Variants in UHMK1 observed in about 807,000 individuals in gnomAD.
The protein encoded by UHMK1 is serine/threonine-protein kinase Kist.
Under a neutral mutation model 44.0 loss-of-function variants are expected in UHMK1, and 18 were observed. The ratio of observed to expected loss-of-function variants is 0.41; its 90% CI spans 0.28 to 0.61. The LOEUF (loss-of-function observed/expected upper bound fraction) is 0.61. Among genes scored for constraint, UHMK1 ranks in the 20% least tolerant of loss-of-function variants. The pLI is 0.31. For missense variants in UHMK1, 463 were observed against 522.5 expected, an observed-to-expected ratio of 0.89 and a Z score of 1.11; for synonymous variants, 231 against 198.5, an observed-to-expected ratio of 1.16 and a Z score of -1.38.
chr1:162,500,121 C>T lies in UHMK1; in HGVS notation c.435C>T (p.Ala145=), dbSNP rs1468112752. 5 of 1,614,018 alleles carry T rather than the reference C, an allele frequency of 3.1e-6. No homozygotes were observed. The South Asian group carries it at 3.3e-5, about 11-fold the overall frequency. ...ATTGTGCCCGAGATGTTTTGGAGGC[C>T]CTTGCTTTTCTTCATCATGAGGGCT... is the stretch of plus-strand genomic sequence containing the variant. The part of the protein sequence containing the change: ...IQHCARDVLE[A]LAFLHHEGYV... The change falls in exon 2 of 8, where the codon GCC becomes GCT. Residue 145 remains alanine (A), a synonymous_variant. Transcript: ENST00000489294.
In UHMK1 at chr1:162,522,778, G is replaced by A. The variant is rs1652106494; in HGVS notation, c.*228G>A. ...TGAGGGGTTTTAGAGCATCCATGTG[G>A]GCAACCCTTTTTTGTGCGGGAGAGC... On this transcript the variant is annotated 3_prime_UTR_variant, in exon 8 of 8. Coordinates refer to ENST00000489294, the MANE Select transcript of UHMK1 (RefSeq NM_175866.5). 2.5e-6 allele frequency: 1 copy of A among 396,334 alleles called. No individual in the cohort carries two copies. Among genetic ancestry groups the A allele is most frequent in the African/African-American group, 2.0e-5 (1 of 49,190 alleles). The allele number at this position is 396,334 out of a possible 1,614,324, so 24.6% of individuals were successfully genotyped here.
chr1:162,509,592 AATATAGTGCAAAT>A, intron 4 of UHMK1, among the ~76,000 whole-genome samples: 1 of 152,300 alleles, frequency 6.6e-6, no homozygotes, highest in Non-Finnish European at 1.5e-5. Context: ...CATAGATGCC[AATATAGTGCAAAT>A]CTTACAACTA....
intron 3 of UHMK1, among the ~76,000 whole-genome samples, chr1:162,501,955 G>T (rs4657198): frequency 0.45 from 68,342 of 150,218 alleles, 15,579 homozygotes; most frequent in East Asian, 0.47. Flanking sequence ...ATTATAAAAG[G>T]TATTTTAATA....
intron 7 of UHMK1, among the ~76,000 whole-genome samples, chr1:162,519,212 G>T (rs1427451003): frequency 6.6e-6 from 1 of 151,894 alleles, no homozygotes; most frequent in Non-Finnish European, 1.5e-5. Context: ...CAGCTCTTCA[G>T]GGGGCTGAGC....
intron 7 of UHMK1, 133 bp downstream of exon 7, chr1:162,518,323 A>G: frequency 3.3e-6 from 2 of 607,774 alleles, no homozygotes; most frequent in East Asian, 5.6e-5. Flanking sequence ...AATGATTTTT[A>G]TATTCTGACT....
chr1:162,510,368 C>T (rs540239054), intron 4 of UHMK1, among the ~76,000 whole-genome samples: 1 of 152,286 alleles, frequency 6.6e-6, no homozygotes, highest in Non-Finnish European at 1.5e-5. Flanking sequence ...TCTCCCCAAA[C>T]TCCTCTCTCC....
intron 6 of UHMK1, among the ~76,000 whole-genome samples, chr1:162,515,906 C>T (rs1375645610): frequency 1.3e-5 from 2 of 151,896 alleles, no homozygotes; most frequent in East Asian, 3.9e-4. Flanking sequence ...TGGTGGCGGG[C>T]GCCTGTAGTC....
chr1:162,514,162 G>A (rs1252013259), intron 6 of UHMK1, among the ~76,000 whole-genome samples: 2 of 152,110 alleles, frequency 1.3e-5, no homozygotes, highest in East Asian at 3.9e-4. Flanking sequence ...GGTGGCACAT[G>A]CCTATAATCC....
chr1:162,500,283 A>G (rs1204581775), intron 2 of UHMK1, 36 bp downstream of exon 2: 1 of 1,587,174 alleles, frequency 6.3e-7, no homozygotes, highest in Non-Finnish European at 8.6e-7. Flanking sequence ...TCGCAGTTTA[A>G]AATGTAGTGG....
At chr1:162,511,214 A>T (rs1393613203) in intron 4 of UHMK1, among the ~76,000 whole-genome samples, 1 of 117,436 alleles carries the variant, frequency 8.5e-6, no homozygotes, top group African/African-American at 3.4e-5. Flanking sequence ...TTTTTGAGAC[A>T]GGGTCTCGTT....
chr1:162,500,546 T>A (rs1263108387), intron 2 of UHMK1: 3 of 419,206 alleles, frequency 7.2e-6, no homozygotes, highest in Non-Finnish European at 1.3e-5. Flanking sequence ...ATTGCTGAGT[T>A]ACTATTCCTG....
rs1004659767 is a variant in UHMK1, at chr1:162,527,020, C to T, written c.*4470C>T. 1.3e-5 allele frequency: 2 copies of T among 152,072 alleles called. No homozygotes were observed. Among genetic ancestry groups the T allele is most frequent in the Non-Finnish European group, 2.9e-5 (2 of 67,942 alleles). The allele number at this position is 152,072 out of a possible 1,614,324, so 9.4% of individuals were successfully genotyped here. ...TAGTTTTTCAAGTTAGTATTACTTACTAGCTTTCTTGATGAATATAAAAAT... is the reference window on the plus strand; with the variant it reads ...TAGTTTTTCAAGTTAGTATTACTTATTAGCTTTCTTGATGAATATAAAAAT... On this transcript the variant is annotated 3_prime_UTR_variant, in exon 8 of 8. Transcript: ENST00000489294.
chr1:162,497,691 A>T, upstream of UHMK1: 1 of 869,202 alleles, frequency 1.2e-6, no homozygotes, highest in Non-Finnish European at 1.5e-6. Context: ...CTCAATAATT[A>T]AGGTTACTTC....
intron 4 of UHMK1, 87 bp downstream of exon 4, chr1:162,503,935 A>G (rs1651374545): frequency 1.0e-6 from 1 of 977,022 alleles, no homozygotes; most frequent in African/African-American, 1.7e-5. Flanking sequence ...GATTTATATT[A>G]TTATTTCTAT....
chr1:162,500,280 T>A, intron 2 of UHMK1, 33 bp downstream of exon 2: 1 of 1,590,066 alleles, frequency 6.3e-7, no homozygotes, highest in African/African-American at 1.3e-5. Context: ...CTCTCGCAGT[T>A]TAAAATGTAG....
At chr1:162,505,782 G>C (rs1371032930) in intron 4 of UHMK1, among the ~76,000 whole-genome samples, 2 of 152,190 alleles carry the variant, frequency 1.3e-5, no homozygotes, top group South Asian at 4.1e-4. Flanking sequence ...CCTTGTCTGA[G>C]TTAGAGTAGT....
chr1:162,506,918 A>G (rs1485819019), intron 4 of UHMK1, among the ~76,000 whole-genome samples: 2 of 152,108 alleles, frequency 1.3e-5, no homozygotes, highest in Non-Finnish European at 2.9e-5. Flanking sequence ...GAGGATTTTA[A>G]CTTTTTCTTC....
Position 162,512,790 on chromosome 1 carries a change from G to A in UHMK1, c.991G>A (p.Asp331Asn). Residue 331 changes from aspartate (D) to asparagine (N), a missense_variant, in exon 6 of 8, where the codon GAT (aspartate) becomes AAT (asparagine). Asp to Asn is a conservative substitution (Grantham distance 23). Transcript: ENST00000489294. ...PVLRLLNVLD[D>N]DYLENEEEYE... Reference sequence around the variant, plus strand: ...GCTAAGACTGCTGAATGTGCTGGATGATGATTATCTTGAGAATGAAGAGGA... The same window carrying A: ...GCTAAGACTGCTGAATGTGCTGGATAATGATTATCTTGAGAATGAAGAGGA... 6.2e-7 allele frequency: 1 copy of A among 1,614,058 alleles called. No individual in the cohort carries two copies.
At chr1:162,506,859 G>T (rs1298176990) in intron 4 of UHMK1, among the ~76,000 whole-genome samples, 2 of 151,438 alleles carry the variant, frequency 1.3e-5, no homozygotes, top group African/African-American at 4.9e-5. Context: ...GGGAGACTCT[G>T]TCTCAAGAAA....
Sources: gnomAD v4.1 joint callset for allele counts (sites outside exome capture counted in the v4.1 genomes callset) on GRCh38, gnomAD v4.1.1 for gene constraint, MANE v1.5 for transcripts, NCBI Gene and HGNC (gene_info 2026-07-23, HGNC 2026-07-21) for gene names.